GRM8: variants seen among roughly 807,000 people sequenced by gnomAD.
GRM8 encodes glutamate metabotropic receptor 8, also known as metabotropic glutamate receptor 8.
In GRM8, 47 loss-of-function variants were observed where a neutral mutation model predicts 87.2. The ratio of observed to expected loss-of-function variants is 0.54; its 90% CI spans 0.43 to 0.69. The LOEUF is 0.69. Among genes scored for constraint, GRM8 ranks in the 30% least tolerant of loss-of-function variants. The probability of loss-of-function intolerance (pLI) is 0.00; values close to 1 mark genes in which losing one functional copy is unlikely to be tolerated. For missense variants in GRM8, 1,019 were observed against 1,139.2 expected, an observed-to-expected ratio of 0.89 and a Z score of 1.52; for synonymous variants, 396 against 404.5, an observed-to-expected ratio of 0.98 and a Z score of 0.25.
At chr7:126,808,384 A>C (rs1486212622) in intron 6 of GRM8, among the ~76,000 whole-genome samples, 3 of 152,198 alleles carry the variant, frequency 2.0e-5, no homozygotes, top group African/African-American at 7.2e-5. Flanking sequence ...CAAAATAAAC[A>C]CCAAGTCAAA....
intron 2 of GRM8, among the ~76,000 whole-genome samples, chr7:127,165,179 T>C (rs1793374906): frequency 1.1e-5 from 1 of 91,038 alleles, no homozygotes; most frequent in Non-Finnish European, 2.2e-5. Context: ...TATATATATA[T>C]ATATATATAT....
At position 126,831,090 on chromosome 7, in the gene GRM8, G is replaced by A. The variant is rs535353333; in HGVS notation, c.1157-61025C>T. On this transcript the variant is annotated intron_variant, in intron 6 of 10. Transcript: ENST00000339582. ...TTTTGTCTCAGAGGAGTACCCGGCC[G>A]TGTGAGGTGTCAGTCTGCCCCTACT... 2.4e-3 allele frequency among the ~76,000 whole-genome samples: 361 copies of A among 152,302 alleles called. 1 individual carries two copies. Among genetic ancestry groups the A allele is most frequent in the African/African-American group, 7.7e-3 (320 of 41,566 alleles).
chr7:127,204,910 G>A (rs533792378), intron 2 of GRM8, among the ~76,000 whole-genome samples: 1 of 152,280 alleles, frequency 6.6e-6, no homozygotes, highest in Non-Finnish European at 1.5e-5. Context: ...TGTAGCTTAT[G>A]TACAAATGGC....
chr7:127,017,701 T>A (rs1309212875), intron 3 of GRM8, among the ~76,000 whole-genome samples: 1 of 151,980 alleles, frequency 6.6e-6, no homozygotes, highest in East Asian at 1.9e-4. Flanking sequence ...GTCAGATGTG[T>A]GATAACTGAA....
chr7:126,953,757 A>C lies in GRM8; in HGVS notation c.728-49074T>G, dbSNP rs570651278. Among the ~76,000 whole-genome samples the C allele has an allele frequency of 3.3e-5, 5 of 152,274 alleles. No homozygotes were observed. In the East Asian group the frequency reaches 9.6e-4, roughly 29 times the overall value. On this transcript the variant is annotated intron_variant, in intron 3 of 10. Coordinates refer to ENST00000339582, the MANE Select transcript of GRM8 (RefSeq NM_000845.3). ...AGCAAAGGGAATGAAGCCTCCAAGC[A>C]ACAAACTAATTAATACCTCTCTCTT... is the stretch of plus-strand genomic sequence containing the variant.
intron 6 of GRM8, among the ~76,000 whole-genome samples, chr7:126,891,244 C>T (rs1800973439): frequency 6.6e-6 from 1 of 151,994 alleles, no homozygotes; most frequent in Non-Finnish European, 1.5e-5. Context: ...ATTAATATAT[C>T]CATCTACTTC....
intron 2 of GRM8, among the ~76,000 whole-genome samples, chr7:127,190,719 C>A (rs926737742): frequency 6.6e-6 from 1 of 151,996 alleles, no homozygotes; most frequent in Non-Finnish European, 1.5e-5. Flanking sequence ...AAGATGGAAC[C>A]CATGCATATT....
intron 7 of GRM8, among the ~76,000 whole-genome samples, chr7:126,708,573 T>C (rs992584849): frequency 6.6e-6 from 1 of 150,710 alleles, no homozygotes; most frequent in African/African-American, 2.4e-5. Flanking sequence ...ATAGATTATA[T>C]ATCACATAGA....
intron 9 of GRM8, among the ~76,000 whole-genome samples, chr7:126,499,354 AC>A (rs1809283620): frequency 6.6e-6 from 1 of 151,740 alleles, no homozygotes; most frequent in African/African-American, 2.4e-5. Context: ...TTCTATACTC[AC>A]TGTTGGTGAT....
chr7:126,779,974 G>A (rs918857678), intron 6 of GRM8, among the ~76,000 whole-genome samples: 2 of 152,132 alleles, frequency 1.3e-5, no homozygotes, highest in Non-Finnish European at 2.9e-5. Context: ...AGGATTAAAT[G>A]AGACAATGTA....
intron 6 of GRM8, among the ~76,000 whole-genome samples, chr7:126,884,042 G>A (rs950282844): frequency 2.6e-5 from 4 of 152,020 alleles, no homozygotes; most frequent in African/African-American, 9.7e-5. Flanking sequence ...CTGTCATAAG[G>A]CCCTACAAAT....
At chr7:127,240,123 CAG>C (rs1009321320) in intron 2 of GRM8, among the ~76,000 whole-genome samples, 3 of 152,128 alleles carry the variant, frequency 2.0e-5, no homozygotes, top group Non-Finnish European at 4.4e-5. Context: ...GGACTCTGCC[CAG>C]AGAGTCAGTA....
intron 7 of GRM8, among the ~76,000 whole-genome samples, chr7:126,721,426 A>G (rs1812384579): frequency 6.6e-6 from 1 of 152,194 alleles, no homozygotes; most frequent in Non-Finnish European, 1.5e-5. Context: ...TAATACATGC[A>G]TCTAAAGAAA....
intron 2 of GRM8, among the ~76,000 whole-genome samples, chr7:127,206,286 C>T (rs1306171717): frequency 6.6e-6 from 1 of 152,082 alleles, no homozygotes; most frequent in Non-Finnish European, 1.5e-5. Context: ...ATAAGCTTGC[C>T]CAAATGCGGT....
chr7:126,535,015 A>G (rs1454118997), intron 8 of GRM8, among the ~76,000 whole-genome samples: 1 of 152,162 alleles, frequency 6.6e-6, no homozygotes, highest in Non-Finnish European at 1.5e-5. Context: ...GGATATGGAA[A>G]TAGAGGGTAC....
chr7:126,807,525 T>C (rs1792892999), intron 6 of GRM8, among the ~76,000 whole-genome samples: 1 of 152,150 alleles, frequency 6.6e-6, no homozygotes, highest in Non-Finnish European at 1.5e-5. Context: ...AGTAAATCCC[T>C]GTTTTCCTAG....
chr7:127,241,083 C>G (rs149146672), intron 2 of GRM8, among the ~76,000 whole-genome samples: 1 of 152,212 alleles, frequency 6.6e-6, no homozygotes, highest in South Asian at 2.1e-4. Flanking sequence ...ACTCCTTAGA[C>G]GCAGAGAGCT....
At chr7:126,626,101 A>AGTGTGTGTGTGTGTGTGTGTGT (rs71312854) in intron 7 of GRM8, among the ~76,000 whole-genome samples, 2 of 148,838 alleles carry the variant, frequency 1.3e-5, no homozygotes, top group Non-Finnish European at 3.0e-5. Context: ...ATATGAGAGA[A>AGTGTGTGTGTGTGTGTGTGTGT]GTGTGTGTGT....
chr7:126,588,270 G>T (rs1362849860), intron 8 of GRM8, among the ~76,000 whole-genome samples: 1 of 152,090 alleles, frequency 6.6e-6, no homozygotes, highest in Non-Finnish European at 1.5e-5. Flanking sequence ...TAAGAGTTTG[G>T]TTCTAGTGCC....
Sources: gnomAD v4.1 joint callset for allele counts (sites outside exome capture counted in the v4.1 genomes callset) on GRCh38, gnomAD v4.1.1 for gene constraint, MANE v1.5 for transcripts, NCBI Gene and HGNC (gene_info 2026-07-23, HGNC 2026-07-21) for gene names.